Variants in SUN3 observed in about 807,000 individuals in gnomAD.
SUN3 encodes the protein Sad1 and UNC84 domain containing 3.
Under a neutral mutation model 48.2 loss-of-function variants are expected in SUN3, and 36 were observed. That is an observed-to-expected ratio of 0.75 (90% confidence interval 0.57 to 0.99). The LOEUF is 0.99. SUN3 is among the 50% of genes least tolerant of loss of function. The pLI, the probability that SUN3 is intolerant of heterozygous loss-of-function variation, is 0.00. For synonymous variants in SUN3, 148 were observed against 147.9 expected (o/e 1.00, Z 0.00); for missense variants, 419 against 433.1 (o/e 0.97, Z 0.29).
intron 8 of SUN3, among the ~76,000 whole-genome samples, chr7:47,990,624 G>A (rs1383290936): frequency 6.6e-6 from 1 of 151,848 alleles, no homozygotes; most frequent in Non-Finnish European, 1.5e-5. Context: ...GTGGGGAGGG[G>A]CAGGCCACCC....
In SUN3 at chr7:47,994,408, C is replaced by G; in HGVS notation, c.768G>C (p.Lys256Asn). 6.2e-7 allele frequency: 1 copy of G among 1,613,188 alleles called. No homozygotes were observed. Among genetic ancestry groups the G allele is most frequent in the Non-Finnish European group, 8.5e-7 (1 of 1,179,634 alleles). ...QGHTLIKLAT[K>N]IIPTAVTMEH... The stretch of plus-strand genomic sequence containing the variant: ...CCATGGTAACAGCAGTTGGTATGAT[C>G]TTTGTAGCAAGCTTGATTAGGGTAT... The change falls in exon 8 of 10, where the codon AAG (lysine) becomes AAC (asparagine). Residue 256 changes from lysine to asparagine, a missense_variant. Transcript: ENST00000297325.
At chr7:48,006,927 G>T (rs963896233) in intron 5 of SUN3, among the ~76,000 whole-genome samples, 2 of 152,130 alleles carry the variant, frequency 1.3e-5, no homozygotes, top group Admixed American at 6.5e-5. Flanking sequence ...CTGGAAAATA[G>T]AACAGTTATT....
In SUN3 at chr7:48,017,295, A is replaced by AATT; in HGVS notation, c.252_254dup (p.Ile85dup). The AATT allele has an allele frequency of 6.2e-7, 1 of 1,605,928 alleles. No individual in the cohort carries two copies. Among genetic ancestry groups the AATT allele is most frequent in the Non-Finnish European group, 8.5e-7 (1 of 1,174,178 alleles). On this transcript the variant is annotated inframe_insertion, in exon 3 of 10. Transcript: ENST00000297325. ...TATAAAGCCTTGAACCATATTCTGC[A>AATT]ATTATGGCATATAATTGTCTGGATT...
intron 6 of SUN3, among the ~76,000 whole-genome samples, chr7:47,999,068 T>A (rs995376989): frequency 6.6e-6 from 1 of 152,202 alleles, no homozygotes; most frequent in Non-Finnish European, 1.5e-5. Context: ...TTATATTAAA[T>A]CCATAGAAAA....
chr7:48,010,565 A>C (rs967015882), intron 3 of SUN3, among the ~76,000 whole-genome samples: 1 of 152,202 alleles, frequency 6.6e-6, no homozygotes, highest in East Asian at 1.9e-4. Flanking sequence ...AGGCCGACCC[A>C]AGCAATCAAT....
At position 48,028,863 on chromosome 7, in the gene SUN3, T is replaced by C. The variant is rs766581119; in HGVS notation, c.76A>G (p.Ser26Gly). Residue 26 changes from serine to glycine, a missense_variant, in exon 1 of 10, where the codon AGT becomes GGT. Transcript: ENST00000297325. ...TCCTCTGATAACAAAGCATTGCCAC[T>C]GGCGCTACCGCTGGCGTCTTCAGAG... ...RCSEDASGSA[S>G]GNALLSEDEN... The C allele has an allele frequency of 2.0e-5, 33 of 1,613,862 alleles. No individual in the cohort carries two copies. In the South Asian group the frequency reaches 3.5e-4, roughly 17 times the overall value.
At chr7:47,992,509 T>G (rs562639924) in intron 8 of SUN3, among the ~76,000 whole-genome samples, 8 of 152,178 alleles carry the variant, frequency 5.3e-5, no homozygotes, top group Non-Finnish European at 7.3e-5. Context: ...TGAATTGATA[T>G]GATCTTCCAG....
intron 6 of SUN3, among the ~76,000 whole-genome samples, chr7:48,002,152 T>TAATGATCAGTGACG (rs1491207872): frequency 1.8e-3 from 10 of 5,448 alleles, no homozygotes; most frequent in Admixed American, 5.7e-3. Context: ...TGCATTTCTC[T>TAATGATCAGTGACG]TTTTTTTTTT....
intron 2 of SUN3, among the ~76,000 whole-genome samples, chr7:48,017,937 T>C (rs528938699): frequency 5.9e-5 from 9 of 152,266 alleles, no homozygotes; most frequent in African/African-American, 1.4e-4. Context: ...GGACAGTAGA[T>C]GATGGAAGTG....
intron 8 of SUN3, among the ~76,000 whole-genome samples, chr7:47,991,235 A>G (rs1220530054): frequency 6.6e-6 from 1 of 152,122 alleles, no homozygotes; most frequent in African/African-American, 2.4e-5. Context: ...CCTTGTTTTA[A>G]TTTTACTTGG....
intron 9 of SUN3, 55 bp from the exon 10 acceptor site, chr7:47,987,504 T>C (rs1788933822): frequency 7.0e-7 from 1 of 1,435,736 alleles, no homozygotes; most frequent in Non-Finnish European, 9.2e-7. Flanking sequence ...TCTCAAAGAA[T>C]CCCAATGAAT....
intron 3 of SUN3, among the ~76,000 whole-genome samples, chr7:48,010,834 G>A (rs755413476): frequency 2.6e-5 from 4 of 152,180 alleles, no homozygotes; most frequent in Non-Finnish European, 2.9e-5. Context: ...TCGCTGTTCT[G>A]GAGGTCAAAA....
chr7:48,000,451 C>T (rs1319497467), intron 6 of SUN3, among the ~76,000 whole-genome samples: 1 of 152,226 alleles, frequency 6.6e-6, no homozygotes, highest in Non-Finnish European at 1.5e-5. Flanking sequence ...CTCATCTTTA[C>T]TCACAGATGA....
upstream of SUN3, among the ~76,000 whole-genome samples, chr7:48,032,969 AT>A (rs1168083089): frequency 6.6e-6 from 1 of 152,234 alleles, no homozygotes; most frequent in Non-Finnish European, 1.5e-5. Context: ...ACTCAAATAC[AT>A]TTTTCCTCTT....
chr7:48,002,945 C>T (rs1789426849), intron 6 of SUN3, among the ~76,000 whole-genome samples: 3 of 152,018 alleles, frequency 2.0e-5, no homozygotes, highest in Non-Finnish European at 4.4e-5. Context: ...TTTCTTTTGC[C>T]TAATTGCCCT....
chr7:48,021,127 T>C (rs1789982822), intron 2 of SUN3, among the ~76,000 whole-genome samples: 1 of 151,974 alleles, frequency 6.6e-6, no homozygotes, highest in Admixed American at 6.6e-5. Context: ...AGAACTCATT[T>C]TCAACAAATG....
intron 3 of SUN3, among the ~76,000 whole-genome samples, chr7:48,013,067 G>C (rs1789725228): frequency 6.6e-6 from 1 of 152,158 alleles, no homozygotes; most frequent in Non-Finnish European, 1.5e-5. Flanking sequence ...AATGGATTAA[G>C]ACTGTGCTGG....
chr7:48,013,778 A>T (rs373995021), intron 3 of SUN3, among the ~76,000 whole-genome samples: 127 of 152,336 alleles, frequency 8.3e-4, no homozygotes, highest in African/African-American at 3.0e-3. Context: ...ATTGAGAAAC[A>T]GCAACTACTT....
intron 4 of SUN3, among the ~76,000 whole-genome samples, chr7:48,008,590 A>AG (rs1372604377): frequency 6.6e-6 from 1 of 152,238 alleles, no homozygotes; most frequent in Non-Finnish European, 1.5e-5. Flanking sequence ...AATGCTCCAT[A>AG]GAAGTAGAAA....
Sources: allele counts gnomAD v4.1 joint callset (sites outside exome capture counted in the v4.1 genomes callset), GRCh38; gene constraint gnomAD v4.1.1; transcripts MANE v1.5; gene names NCBI Gene and HGNC (gene_info 2026-07-23, HGNC 2026-07-21).